The following PCSK1 variants were observed in gnomAD, a reference collection of about 807,000 sequenced individuals.
PCSK1 encodes the protein proprotein convertase subtilisin/kexin type 1, also known as neuroendocrine convertase 1.
A neutral mutation model predicts 90.6 loss-of-function variants in PCSK1; 56 were observed. The ratio of observed to expected loss-of-function variants is 0.62; its 90% CI spans 0.50 to 0.77. The LOEUF is 0.77. PCSK1 is among the 30% of genes least tolerant of loss of function. The probability of loss-of-function intolerance (pLI) is 0.00; values close to 1 mark genes in which losing one functional copy is unlikely to be tolerated. For missense variants in PCSK1, 801 were observed against 932.6 expected (o/e 0.86, Z 1.84); for synonymous variants, 348 against 342.4 (o/e 1.02, Z -0.18).
In PCSK1 at chr5:96,392,326, A is replaced by T. The variant is rs966662118; in HGVS notation, c.*675T>A. On this transcript the variant is annotated 3_prime_UTR_variant, in exon 14 of 14. Transcript: ENST00000311106. ...GTCATAACCACCTCTGGATCCACGG[A>T]CGCCTCTGGCACCACAGACACAGTG... is the stretch of plus-strand genomic sequence containing the variant. 11 of 152,348 alleles carry T rather than the reference A, an allele frequency of 7.2e-5. No individual in the cohort carries two copies. Among genetic ancestry groups the T allele is most frequent in the African/African-American group, 2.7e-4 (11 of 41,456 alleles). 9.4% of individuals were successfully genotyped at this position (152,348 alleles called of 1,614,324 possible).
At chr5:96,430,729 T>A (rs745541933) in intron 1 of PCSK1, among the ~76,000 whole-genome samples, 24 of 152,228 alleles carry the variant, frequency 1.6e-4, no homozygotes, top group Non-Finnish European at 3.2e-4. Flanking sequence ...GTTAAGTTTG[T>A]TTTAAAACTT....
chr5:96,412,525 T>C, intron 6 of PCSK1, 35 bp from the exon 7 acceptor site: 3 of 1,586,494 alleles, frequency 1.9e-6, no homozygotes, highest in South Asian at 2.2e-5. Context: ...ACACAAAGGT[T>C]GATGTCAGTA....
At chr5:96,432,343 C>T (rs961203186) in intron 1 of PCSK1, among the ~76,000 whole-genome samples, 1 of 152,312 alleles carries the variant, frequency 6.6e-6, no homozygotes, top group South Asian at 2.1e-4. Flanking sequence ...CTTCCAATGC[C>T]CTGGGCGTGC....
chr5:96,408,505 C>T (rs1399648623), intron 8 of PCSK1, among the ~76,000 whole-genome samples, 182 bp from the exon 9 acceptor site: 1 of 152,174 alleles, frequency 6.6e-6, no homozygotes, highest in African/African-American at 2.4e-5. Flanking sequence ...TTTTAGTTCA[C>T]CCTCTATATG....
At chr5:96,401,250 G>T (rs867586194) in intron 9 of PCSK1, among the ~76,000 whole-genome samples, 143 of 152,300 alleles carry the variant, frequency 9.4e-4, no homozygotes, top group Middle Eastern at 6.8e-3. Flanking sequence ...AAAACTTTGT[G>T]GGGGAGAAAT....
chr5:96,425,875 C>G lies in PCSK1; in HGVS notation c.341G>C (p.Arg114Thr). 1 of 1,612,978 alleles carries G rather than the reference C, an allele frequency of 6.2e-7. No homozygotes were observed. The highest frequency in any genetic ancestry group is 1.1e-5 in the South Asian group (1 of 91,054). Residue 114 changes from arginine (R) to threonine (T), a missense_variant, in exon 3 of 14, where the codon AGG becomes ACG. Coordinates refer to ENST00000311106, the MANE Select transcript of PCSK1 (RefSeq NM_000439.5). ...EKERSKRSALRDSALNLFNDP... is the reference protein window; with the variant it reads ...EKERSKRSALTDSALNLFNDP... The stretch of plus-strand genomic sequence containing the variant: ...ATTGAAGAGATTTAGTGCTGAGTCC[C>G]TTAGAGCTGAACGTTTACTTCTTTC...
intron 6 of PCSK1, among the ~76,000 whole-genome samples, chr5:96,413,837 C>T (rs1382447319): frequency 2.9e-5 from 4 of 140,156 alleles, no homozygotes; most frequent in African/African-American, 5.4e-5. Context: ...GAAAAAAAAT[C>T]GGCCAGGTGC....
Position 96,390,435 on chromosome 5 carries a change from T to C in PCSK1, c.*2566A>G, listed in dbSNP as rs570346851. On this transcript the variant is annotated 3_prime_UTR_variant, in exon 14 of 14. Transcript: ENST00000311106. ...TACATATTCTGGTCAATACATCAAA[T>C]GTATAATGTGGAAGTTCCCTTAAGA... is the stretch of plus-strand genomic sequence containing the variant. 1 of 152,404 alleles carries C rather than the reference T, an allele frequency of 6.6e-6. No homozygotes were observed. The highest frequency in any genetic ancestry group is 2.1e-4 in the South Asian group (1 of 4,832). The allele number at this position is 152,404 out of a possible 1,614,324, so 9.4% of individuals were successfully genotyped here.
At chr5:96,397,510 T>G in intron 11 of PCSK1, 41 bp from the exon 12 acceptor site, 3 of 1,534,630 alleles carry the variant, frequency 2.0e-6, no homozygotes, top group Non-Finnish European at 2.7e-6. Context: ...CTAATAGCTC[T>G]GATAGTAGGA....
In PCSK1 at chr5:96,392,091, A is replaced by T. The variant is rs1313111502; in HGVS notation, c.*910T>A. On this transcript the variant is annotated 3_prime_UTR_variant, in exon 14 of 14. Transcript: ENST00000311106. The stretch of plus-strand genomic sequence containing the variant: ...CTATTATGAGTATTTTTCTATTATT[A>T]CATTAGGTCTCCATGTGATAAGTGG... 6.6e-6 allele frequency: 1 copy of T among 152,204 alleles called. No homozygotes were observed. The highest frequency in any genetic ancestry group is 2.4e-5 in the African/African-American group (1 of 41,448). The allele number at this position is 152,204 out of a possible 1,614,324, so 9.4% of individuals were successfully genotyped here. A position where few individuals can be genotyped will look rare whatever the true frequency, so the allele number is the denominator to read the frequency against.
rs886060887 is a variant in PCSK1, at chr5:96,393,010, C to T, written c.2253G>A (p.Glu751=). ...LLQALVDILN[E]EN is the part of the protein sequence containing the mutation. Reference sequence around the variant, plus strand: ...GGACCACACACTTATTTTAATTTTCCTCATTCAGAATGTCCACCAGAGCTT... The same window carrying T: ...GGACCACACACTTATTTTAATTTTCTTCATTCAGAATGTCCACCAGAGCTT... The change falls in exon 14 of 14, where the codon GAG becomes GAA. Residue 751 remains glutamate (E), a synonymous_variant. Coordinates refer to ENST00000311106, the MANE Select transcript of PCSK1 (RefSeq NM_000439.5). The T allele has an allele frequency of 6.2e-7, 1 of 1,614,132 alleles. No individual in the cohort carries two copies. The highest frequency in any genetic ancestry group is 1.3e-5 in the African/African-American group (1 of 75,036).
intron 6 of PCSK1, among the ~76,000 whole-genome samples, chr5:96,414,803 C>G (rs1342319766): frequency 6.6e-6 from 1 of 152,182 alleles, no homozygotes; most frequent in Non-Finnish European, 1.5e-5. Context: ...ATTTGTGCTT[C>G]TCCCTTCATT....
At chr5:96,422,014 A>AAAG in intron 4 of PCSK1, 58 bp from the exon 5 acceptor site, 1 of 888,084 alleles carries the variant, frequency 1.1e-6, no homozygotes. Context: ...AAAAAAAAAA[A>AAAG]AAAAAGCATC....
intron 9 of PCSK1, among the ~76,000 whole-genome samples, chr5:96,401,823 C>A (rs1373730145): frequency 6.6e-6 from 1 of 151,990 alleles, no homozygotes; most frequent in Non-Finnish European, 1.5e-5. Context: ...TGTGTAGCAC[C>A]CAGAAGAATG....
chr5:96,418,979 C>A (rs979219120), intron 5 of PCSK1, among the ~76,000 whole-genome samples: 2 of 152,082 alleles, frequency 1.3e-5, no homozygotes, highest in Non-Finnish European at 2.9e-5. Context: ...TTATCATCAT[C>A]ATCATCACCA....
At chr5:96,398,771 A>T (rs1323822533) in intron 11 of PCSK1, 108 bp downstream of exon 11, 8 of 951,678 alleles carry the variant, frequency 8.4e-6, no homozygotes, top group Non-Finnish European at 1.4e-5. Context: ...AAGACCTGAA[A>T]ATATCTATTA....
At chr5:96,411,023 A>C in intron 7 of PCSK1, 37 bp from the exon 8 acceptor site, 1 of 1,423,836 alleles carries the variant, frequency 7.0e-7, no homozygotes, top group Non-Finnish European at 9.9e-7. Context: ...ATCTGTTATC[A>C]TCTATTGGGG....
intron 1 of PCSK1, among the ~76,000 whole-genome samples, chr5:96,430,490 A>C (rs1761457595): frequency 6.6e-6 from 1 of 152,206 alleles, no homozygotes; most frequent in African/African-American, 2.4e-5. Context: ...AGAAATCAGC[A>C]GCCGCAGAAA....
intron 7 of PCSK1, 77 bp downstream of exon 7, chr5:96,412,241 A>T (rs543942272): frequency 1.7e-6 from 2 of 1,200,562 alleles, no homozygotes; most frequent in African/African-American, 3.0e-5. Flanking sequence ...ATTCCATGTA[A>T]CCTAAGTGTT....
Sources: gnomAD v4.1 joint callset for allele counts (sites outside exome capture counted in the v4.1 genomes callset) on GRCh38, gnomAD v4.1.1 for gene constraint, MANE v1.5 for transcripts, NCBI Gene and HGNC (gene_info 2026-07-23, HGNC 2026-07-21) for gene names.